STRBP: variants seen among roughly 807,000 people sequenced by gnomAD.
STRBP encodes the protein spermatid perinuclear RNA binding protein.
STRBP carries 13 observed loss-of-function variants against 80.1 expected under a neutral mutation model. That is an observed-to-expected ratio of 0.16 (90% confidence interval 0.11 to 0.26). The LOEUF (loss-of-function observed/expected upper bound fraction) is 0.26, where lower values mean the gene tolerates loss of function less well. STRBP is among the 10% of genes least tolerant of loss of function. STRBP has a pLI of 1.00. For synonymous variants in STRBP, 284 were observed against 291.2 expected (o/e 0.98, Z 0.25); for missense variants, 485 against 815.2 (o/e 0.59, Z 4.93).
At chr9:123,196,481 A>T (rs2039094306) in intron 2 of STRBP, among the ~76,000 whole-genome samples, 1 of 152,204 alleles carries the variant, frequency 6.6e-6, no homozygotes, top group Non-Finnish European at 1.5e-5. Context: ...CAAACTATCC[A>T]TCTGACAACA....
intron 3 of STRBP, chr9:123,112,451 C>G (rs990359474): frequency 6.0e-6 from 1 of 167,328 alleles, no homozygotes; most frequent in Non-Finnish European, 1.5e-5. Flanking sequence ...CACGGCAGCG[C>G]CAGCTATTCC....
At chr9:123,154,981 G>A (rs2037218369) in intron 11 of STRBP, among the ~76,000 whole-genome samples, 1 of 152,184 alleles carries the variant, frequency 6.6e-6, no homozygotes, top group Admixed American at 6.5e-5. Flanking sequence ...CAGTAGACAG[G>A]GAGGAACTGA....
chr9:123,249,362 G>A (rs2040865058), intron 1 of STRBP, among the ~76,000 whole-genome samples: 1 of 151,498 alleles, frequency 6.6e-6, no homozygotes, highest in Non-Finnish European at 1.5e-5. Flanking sequence ...CTGGGCAACA[G>A]AGTGAGACCC....
intron 2 of STRBP, among the ~76,000 whole-genome samples, chr9:123,210,589 T>C (rs557818468): frequency 2.6e-5 from 4 of 152,132 alleles, no homozygotes. Context: ...TCCCAGCACT[T>C]TGGGAGGCTG....
At chr9:123,211,323 T>C (rs1190043660) in intron 2 of STRBP, among the ~76,000 whole-genome samples, 1 of 151,762 alleles carries the variant, frequency 6.6e-6, no homozygotes, top group East Asian at 1.9e-4. Flanking sequence ...TAAACCAAAA[T>C]AAAAAAGTAT....
At chr9:123,237,455 C>A (rs1476613493) in intron 1 of STRBP, among the ~76,000 whole-genome samples, 2 of 152,108 alleles carry the variant, frequency 1.3e-5, no homozygotes, top group Non-Finnish European at 2.9e-5. Context: ...CAATCCCCTG[C>A]AGCTAGATGA....
chr9:123,167,663 GAAGT>G (rs2037827173), intron 6 of STRBP, among the ~76,000 whole-genome samples: 1 of 151,934 alleles, frequency 6.6e-6, no homozygotes, highest in Admixed American at 6.5e-5. Context: ...AAAAAAAAAG[GAAGT>G]AAGATGTGTA....
At chr9:123,199,495 A>C (rs2039230782) in intron 2 of STRBP, among the ~76,000 whole-genome samples, 1 of 152,142 alleles carries the variant, frequency 6.6e-6, no homozygotes, top group South Asian at 2.1e-4. Flanking sequence ...CACAATATTG[A>C]TTCTTCCAAT....
chr9:123,208,535 G>A (rs2039601802), intron 2 of STRBP, among the ~76,000 whole-genome samples: 1 of 152,104 alleles, frequency 6.6e-6, no homozygotes, highest in Admixed American at 6.5e-5. Flanking sequence ...GTAGACTGGT[G>A]GGCCACACAG....
At chr9:123,206,719 A>G (rs1487131539) in intron 2 of STRBP, among the ~76,000 whole-genome samples, 1 of 151,594 alleles carries the variant, frequency 6.6e-6, no homozygotes, top group East Asian at 1.9e-4. Flanking sequence ...GCTCATCACA[A>G]CCTCCGCCTC....
intron 11 of STRBP, among the ~76,000 whole-genome samples, chr9:123,154,047 T>C (rs188354050): frequency 8.9e-4 from 136 of 152,322 alleles, no homozygotes; most frequent in African/African-American, 2.9e-3. Flanking sequence ...TTTTTGAGGA[T>C]ACAGGGCAAC....
At chr9:123,261,050 C>A (rs980589658) in intron 1 of STRBP, among the ~76,000 whole-genome samples, 7 of 152,104 alleles carry the variant, frequency 4.6e-5, no homozygotes, top group African/African-American at 1.2e-4. Context: ...GGAGAGAGAT[C>A]TACAACTAGT....
intron 1 of STRBP, among the ~76,000 whole-genome samples, chr9:123,254,807 C>A (rs2040993541): frequency 6.6e-6 from 1 of 152,036 alleles, no homozygotes; most frequent in African/African-American, 2.4e-5. Flanking sequence ...TAATGGAAAA[C>A]AAAAGGCTCT....
chr9:123,207,621 A>G (rs1459543209), intron 2 of STRBP, among the ~76,000 whole-genome samples: 1 of 152,132 alleles, frequency 6.6e-6, no homozygotes, highest in African/African-American at 2.4e-5. Flanking sequence ...CATTCGGAGA[A>G]ATACCTAATG....
intron 2 of STRBP, among the ~76,000 whole-genome samples, chr9:123,190,554 G>A (rs769285765): frequency 1.9e-4 from 29 of 151,620 alleles, no homozygotes; most frequent in African/African-American, 5.8e-4. Flanking sequence ...TCCAAATTCC[G>A]GCTATTCCTC....
chr9:123,109,929 G>C (rs764558754), intron 3 of STRBP: 1 of 152,212 alleles, frequency 6.6e-6, no homozygotes. Context: ...ACAGTAAATA[G>C]ATACATGATA....
At chr9:123,266,100 C>A (rs1487419034) in intron 1 of STRBP, among the ~76,000 whole-genome samples, 2 of 152,292 alleles carry the variant, frequency 1.3e-5, no homozygotes, top group African/African-American at 4.8e-5. Flanking sequence ...CTACTGGCCA[C>A]TGGGCCTGGT....
chr9:123,264,931 G>A (rs748414066), intron 1 of STRBP, among the ~76,000 whole-genome samples: 4 of 152,170 alleles, frequency 2.6e-5, no homozygotes, highest in African/African-American at 4.8e-5. Flanking sequence ...ATGTTGGAGA[G>A]AACTTTCAAA....
At chr9:123,217,365 A>C (rs1049192673) in intron 2 of STRBP, among the ~76,000 whole-genome samples, 2 of 152,200 alleles carry the variant, frequency 1.3e-5, no homozygotes, top group Non-Finnish European at 2.9e-5. Context: ...AGAATAACAA[A>C]CCATATGCAA....
Sources: gnomAD v4.1 joint callset for allele counts (sites outside exome capture counted in the v4.1 genomes callset) on GRCh38, gnomAD v4.1.1 for gene constraint, MANE v1.5 for transcripts, NCBI Gene and HGNC (gene_info 2026-07-23, HGNC 2026-07-21) for gene names.